ADSS1: variants seen among roughly 807,000 people sequenced by gnomAD.
The protein encoded by ADSS1 is adenylosuccinate synthetase isozyme 1.
Under a neutral mutation model 59.1 loss-of-function variants are expected in ADSS1, and 57 were observed. The observed-to-expected ratio is 0.97, with a 90% CI of 0.78 to 1.20. The LOEUF (loss-of-function observed/expected upper bound fraction) is 1.20, where lower values mean the gene tolerates loss of function less well. Ranked by LOEUF, ADSS1 falls within the 50% of genes most tolerant of loss-of-function variation. The pLI is 0.00. For missense variants in ADSS1, 603 were observed against 610.3 expected (o/e 0.99, Z 0.13); for synonymous variants, 247 against 249.4 (o/e 0.99, Z 0.09).
intron 1 of ADSS1, among the ~76,000 whole-genome samples, chr14:104,726,823 C>G (rs1043661178): frequency 6.6e-6 from 1 of 152,230 alleles, no homozygotes; most frequent in African/African-American, 2.4e-5. Flanking sequence ...GGGAGGCAGG[C>G]TGGCTGCCAG....
intron 1 of ADSS1, among the ~76,000 whole-genome samples, chr14:104,730,958 T>TGGGGGGGGGG (rs60540767): frequency 3.1e-5 from 1 of 32,090 alleles, no homozygotes. Flanking sequence ...AGGCAGAGAG[T>TGGGGGGGGGG]GGGGGGGGGG....
intron 1 of ADSS1, among the ~76,000 whole-genome samples, chr14:104,734,690 G>A (rs757136814): frequency 6.6e-6 from 1 of 152,190 alleles, no homozygotes; most frequent in African/African-American, 2.4e-5. Flanking sequence ...GGAGGGTTAG[G>A]CCTCCTCATT....
At chr14:104,731,962 C>G (rs900043237) in intron 1 of ADSS1, among the ~76,000 whole-genome samples, 1 of 152,158 alleles carries the variant, frequency 6.6e-6, no homozygotes, top group Non-Finnish European at 1.5e-5. Flanking sequence ...GCTGGAGGCA[C>G]CAGTGCGTCT....
At chr14:104,731,378 G>A (rs1890926922) in intron 1 of ADSS1, among the ~76,000 whole-genome samples, 2 of 152,226 alleles carry the variant, frequency 1.3e-5, no homozygotes, top group African/African-American at 2.4e-5. Context: ...CAACATGGGT[G>A]ACTGTCCATG....
intron 11 of ADSS1, 102 bp downstream of exon 11, chr14:104,745,011 C>G: frequency 1.0e-6 from 1 of 987,824 alleles, no homozygotes; most frequent in Non-Finnish European, 1.5e-6. Flanking sequence ...CCCACGTTCA[C>G]AGGACACAGG....
intron 1 of ADSS1, 47 bp from the exon 2 acceptor site, chr14:104,734,973 G>T (rs759035711): frequency 1.3e-6 from 2 of 1,552,236 alleles, no homozygotes; most frequent in East Asian, 2.3e-5. Context: ...TGTCCGGGGG[G>T]TCCTCAGTAC....
intron 9 of ADSS1, among the ~76,000 whole-genome samples, chr14:104,742,371 G>T (rs764649173): frequency 2.6e-5 from 4 of 152,254 alleles, no homozygotes; most frequent in Non-Finnish European, 4.4e-5. Flanking sequence ...AGGACACTAA[G>T]CATCTTCCCT....
In ADSS1 at chr14:104,747,260, G is replaced by C. The variant is rs2140837632; in HGVS notation, c.*257G>C. ...TTCTATGACACATTAGTGTCACATG[G>C]TTGCGTGTCCAGCCGAAGCAGTGTA... is the stretch of plus-strand genomic sequence containing the variant. On this transcript the variant is annotated 3_prime_UTR_variant, in exon 13 of 13. Coordinates refer to ENST00000330877, the MANE Select transcript of ADSS1 (RefSeq NM_152328.5). 1 of 354,220 alleles carries C rather than the reference G, an allele frequency of 2.8e-6. No homozygotes were observed. Among genetic ancestry groups the C allele is most frequent in the East Asian group, 4.5e-5 (1 of 22,264 alleles). 21.9% of individuals were successfully genotyped at this position (354,220 alleles called of 1,614,324 possible).
chr14:104,747,134 T>C lies in ADSS1; in HGVS notation c.*131T>C. 1 of 763,380 alleles carries C rather than the reference T, an allele frequency of 1.3e-6. No homozygotes were observed. Among genetic ancestry groups the C allele is most frequent in the Non-Finnish European group, 2.0e-6 (1 of 495,450 alleles). The allele number at this position is 763,380 out of a possible 1,614,324, so 47.3% of individuals were successfully genotyped here. A position where few individuals can be genotyped will look rare whatever the true frequency, so the allele number is the denominator to read the frequency against. ...CATTTTCTGTACTTTTATATTTCTG[T>C]TCAACCTGTTGGTTTCTACAATGAT... On this transcript the variant is annotated 3_prime_UTR_variant, in exon 13 of 13. Coordinates refer to ENST00000330877, the MANE Select transcript of ADSS1 (RefSeq NM_152328.5).
chr14:104,747,000 T>G lies in ADSS1; in HGVS notation c.1371T>G (p.Phe457Leu). ...GKSRESMIQL[F>L] ...CAAGAGAGTCGATGATCCAGCTGTT[T>G]TAGTCACAGACTGAGCTGATCCCAA... is the stretch of plus-strand genomic sequence containing the variant. The change falls in exon 13 of 13, where the codon TTT (phenylalanine) becomes TTG (leucine). Residue 457 changes from phenylalanine (F) to leucine (L), a missense_variant. Phe to Leu is a conservative substitution (Grantham distance 22). Coordinates refer to ENST00000330877, the MANE Select transcript of ADSS1 (RefSeq NM_152328.5). The G allele has an allele frequency of 6.2e-7, 1 of 1,613,984 alleles. No individual in the cohort carries two copies. The highest frequency in any genetic ancestry group is 1.3e-5 in the African/African-American group (1 of 75,056).
chr14:104,724,759 G>A (rs1052439195), intron 1 of ADSS1, among the ~76,000 whole-genome samples: 1 of 152,118 alleles, frequency 6.6e-6, no homozygotes, highest in African/African-American at 2.4e-5. Context: ...TCCTTAGGGG[G>A]TGGCGCATGC....
At chr14:104,742,870 C>G (rs1253040761) in intron 9 of ADSS1, among the ~76,000 whole-genome samples, 197 bp from the exon 10 acceptor site, 1 of 152,138 alleles carries the variant, frequency 6.6e-6, no homozygotes, top group African/African-American at 2.4e-5. Flanking sequence ...AGGCCTTGCC[C>G]ATTGTGAGCC....
Position 104,735,582 on chromosome 14 carries a change from A to G in ADSS1, c.295+460A>G, listed in dbSNP as rs537264712. ...GTGCCCTCCCCGGCCCTGCCGAGCC[A>G]TGTGGCCGTCCTCTTGCCTGGGCTG... On this transcript the variant is annotated intron_variant, in intron 2 of 12. Coordinates refer to ENST00000330877, the MANE Select transcript of ADSS1 (RefSeq NM_152328.5). Among the ~76,000 whole-genome samples, 14 of 152,270 alleles carry G rather than the reference A, an allele frequency of 9.2e-5. No homozygotes were observed. In the South Asian group the frequency reaches 2.7e-3, roughly 29 times the overall value.
chr14:104,738,625 A>C (rs1891214470), intron 3 of ADSS1, among the ~76,000 whole-genome samples, 187 bp downstream of exon 3: 1 of 152,228 alleles, frequency 6.6e-6, no homozygotes, highest in African/African-American at 2.4e-5. Flanking sequence ...GGCAACCCAG[A>C]GGCCTCAGAT....
At chr14:104,738,690 G>C (rs978620121) in intron 3 of ADSS1, among the ~76,000 whole-genome samples, 1 of 152,256 alleles carries the variant, frequency 6.6e-6, no homozygotes, top group African/African-American at 2.4e-5. Flanking sequence ...CCAGGAAGGA[G>C]CCAGGGACCT....
At chr14:104,732,991 C>G (rs148249940) in intron 1 of ADSS1, among the ~76,000 whole-genome samples, 1 of 152,192 alleles carries the variant, frequency 6.6e-6, no homozygotes, top group Non-Finnish European at 1.5e-5. Flanking sequence ...TGGACTGAAC[C>G]TGTGCGCCCA....
At chr14:104,733,041 C>T (rs559182098) in intron 1 of ADSS1, among the ~76,000 whole-genome samples, 5 of 152,236 alleles carry the variant, frequency 3.3e-5, no homozygotes, top group Admixed American at 1.3e-4. Flanking sequence ...AGGCTGAGAG[C>T]CCTGCCCATC....
chr14:104,725,714 T>C (rs1890700016), intron 1 of ADSS1, among the ~76,000 whole-genome samples: 1 of 152,178 alleles, frequency 6.6e-6, no homozygotes, highest in Admixed American at 6.5e-5. Flanking sequence ...CACCTTGTCC[T>C]GGGCCGCCAG....
chr14:104,729,521 G>T (rs866060899), intron 1 of ADSS1, among the ~76,000 whole-genome samples: 2 of 139,608 alleles, frequency 1.4e-5, no homozygotes, highest in Non-Finnish European at 3.1e-5. Flanking sequence ...GGGGAGGAGC[G>T]TGGCGTCGGC....
Sources: allele counts gnomAD v4.1 joint callset (sites outside exome capture counted in the v4.1 genomes callset), GRCh38; gene constraint gnomAD v4.1.1; transcripts MANE v1.5; gene names NCBI Gene and HGNC (gene_info 2026-07-23, HGNC 2026-07-21).